LUZP1: variants seen among roughly 807,000 people sequenced by gnomAD.
The protein encoded by LUZP1 is leucine zipper protein 1.
Under a neutral mutation model 71.3 loss-of-function variants are expected in LUZP1, and 25 were observed. The observed-to-expected ratio is 0.35, with a 90% confidence interval of 0.26 to 0.49. LUZP1 has a LOEUF of 0.49. Among genes scored for constraint, LUZP1 ranks in the 20% least tolerant of loss-of-function variants. The probability of loss-of-function intolerance (pLI) is 0.99; values close to 1 mark genes in which losing one functional copy is unlikely to be tolerated. For synonymous variants in LUZP1, 481 were observed against 506.4 expected, an observed-to-expected ratio of 0.95 and a Z score of 0.67; for missense variants, 1,142 against 1,300.8, an observed-to-expected ratio of 0.88 and a Z score of 1.88.
chr1:23,103,149 C>A (rs2124622848), intron 3 of LUZP1, among the ~76,000 whole-genome samples: 1 of 150,948 alleles, frequency 6.6e-6, no homozygotes, highest in Admixed American at 6.6e-5. Context: ...GCTGACCAGG[C>A]TGGTCCCAAA....
At chr1:23,105,910 T>C (rs1643977575) in intron 3 of LUZP1, among the ~76,000 whole-genome samples, 1 of 152,154 alleles carries the variant, frequency 6.6e-6, no homozygotes, top group African/African-American at 2.4e-5. Flanking sequence ...AAATACCTAA[T>C]GTTAGCACTT....
intron 1 of LUZP1, among the ~76,000 whole-genome samples, chr1:23,176,690 G>T (rs1378671075): frequency 6.6e-6 from 1 of 152,128 alleles, no homozygotes; most frequent in Non-Finnish European, 1.5e-5. Context: ...GAGATCTCAA[G>T]ACCCTATAGA....
intron 3 of LUZP1, among the ~76,000 whole-genome samples, chr1:23,100,741 G>A (rs907313099): frequency 2.0e-5 from 3 of 152,086 alleles, no homozygotes; most frequent in Non-Finnish European, 4.4e-5. Flanking sequence ...TGAACTCCAG[G>A]CTCCTTTCAC....
chr1:23,120,176 C>T (rs532002040), intron 2 of LUZP1, among the ~76,000 whole-genome samples: 1 of 152,108 alleles, frequency 6.6e-6, no homozygotes, highest in South Asian at 2.1e-4. Context: ...CTCCAGAGCT[C>T]GAGCAATTCA....
At chr1:23,105,791 T>G (rs1643976200) in intron 3 of LUZP1, among the ~76,000 whole-genome samples, 1 of 152,128 alleles carries the variant, frequency 6.6e-6, no homozygotes, top group South Asian at 2.1e-4. Context: ...TAAAAACACC[T>G]CCTATAGATT....
chr1:23,091,599 T>C lies in LUZP1; in HGVS notation c.2663A>G (p.Glu888Gly), dbSNP rs762872026. The C allele has an allele frequency of 2.5e-6, 4 of 1,614,160 alleles. No homozygotes were observed. In the South Asian group the frequency reaches 4.4e-5, roughly 18 times the overall value. Residue 888 changes from glutamate to glycine, a missense_variant, in exon 4 of 5, where the codon GAG becomes GGG. By Grantham distance (98) the Glu-to-Gly change is moderately conservative. Coordinates refer to ENST00000302291, the Ensembl canonical transcript of LUZP1. ...CGCTGGAGGTGCATGGCTATTCCTC[T>C]CCACAGGATCCGATGGCTTGATTAT... is the stretch of plus-strand genomic sequence containing the variant.
At chr1:23,177,287 T>C (rs1644588253) in intron 1 of LUZP1, among the ~76,000 whole-genome samples, 1 of 151,796 alleles carries the variant, frequency 6.6e-6, no homozygotes. Context: ...TTACAAGGGG[T>C]TCACAGACCT....
chr1:23,117,520 G>GC (rs1491417687), intron 2 of LUZP1, among the ~76,000 whole-genome samples: 1 of 65,188 alleles, frequency 1.5e-5, no homozygotes, highest in East Asian at 4.3e-4. Context: ...GGGGGGGGGC[G>GC]GGGGGGGGGA....
intron 3 of LUZP1, among the ~76,000 whole-genome samples, chr1:23,099,392 T>G (rs1643914250): frequency 6.6e-6 from 1 of 152,202 alleles, no homozygotes; most frequent in African/African-American, 2.4e-5. Context: ...CATATCCTCA[T>G]AAATATGCTT....
chr1:23,098,937 CCAA>C (rs1643911152), intron 3 of LUZP1, among the ~76,000 whole-genome samples: 1 of 152,196 alleles, frequency 6.6e-6, no homozygotes. Context: ...CTCAAAAACA[CCAA>C]CGCTTGAAGG....
At chr1:23,091,529 G>C (rs370108816) in exon 4 of LUZP1, 6 of 1,614,186 alleles carry the variant, frequency 3.7e-6, no homozygotes, top group East Asian at 4.5e-5. Flanking sequence ...CATCTGAGAA[G>C]CCCACTTCTG....
intron 2 of LUZP1, among the ~76,000 whole-genome samples, chr1:23,146,168 C>T (rs1644341292): frequency 6.6e-6 from 1 of 152,072 alleles, no homozygotes; most frequent in Admixed American, 6.5e-5. Context: ...GTAGCTGGGA[C>T]TACAGGCACA....
At chr1:23,151,128 CCT>C (rs1306077989) in intron 2 of LUZP1, among the ~76,000 whole-genome samples, 4 of 152,044 alleles carry the variant, frequency 2.6e-5, no homozygotes, top group African/African-American at 9.7e-5. Context: ...ACTGCAATCC[CCT>C]GCCTCCCAGG....
chr1:23,163,201 C>A (rs1225620388), intron 2 of LUZP1, among the ~76,000 whole-genome samples: 1 of 146,702 alleles, frequency 6.8e-6, no homozygotes, highest in South Asian at 2.2e-4. Flanking sequence ...GATCACACCA[C>A]TTCACTCCAG....
intron 2 of LUZP1, among the ~76,000 whole-genome samples, chr1:23,141,401 G>A (rs1384630092): frequency 1.3e-5 from 2 of 152,180 alleles, no homozygotes; most frequent in African/African-American, 2.4e-5. Flanking sequence ...GAAGACAGGT[G>A]TGTCCTTGCC....
At chr1:23,091,647 G>C (rs768320885) in exon 4 of LUZP1, 5 of 1,614,130 alleles carry the variant, frequency 3.1e-6, no homozygotes, top group Non-Finnish European at 3.4e-6. Flanking sequence ...AGAGACCACT[G>C]TTTCTGGCCT....
At position 23,149,960 on chromosome 1, in the gene LUZP1, CAAAAAA is replaced by C. The variant is rs66680455; in HGVS notation, c.-226+18800_-226+18805del. 5.3e-5 allele frequency among the ~76,000 whole-genome samples: 4 copies of C among 75,766 alleles called. No homozygotes were observed. In the South Asian group the frequency reaches 2.3e-3, roughly 43 times the overall value. 49.7% of individuals were successfully genotyped at this position (75,766 alleles called of 152,430 possible). On this transcript the variant is annotated intron_variant, in intron 2 of 4. Coordinates refer to ENST00000302291, the Ensembl canonical transcript of LUZP1. ...CTGGTGACGGAGCCAGACTCCGTCTCAAAAAAAAAAAAAAAAAAAAAAAAGTTTAGA... is the reference window on the plus strand; with the variant it reads ...CTGGTGACGGAGCCAGACTCCGTCTCAAAAAAAAAAAAAAAAAAGTTTAGA...
chr1:23,151,919 T>C (rs568529476), intron 2 of LUZP1, among the ~76,000 whole-genome samples: 1 of 151,440 alleles, frequency 6.6e-6, no homozygotes, highest in Admixed American at 6.6e-5. Context: ...GGAGAATCGC[T>C]TGAACCCAGG....
chr1:23,164,387 C>T (rs1388572374), intron 2 of LUZP1, among the ~76,000 whole-genome samples: 1 of 151,522 alleles, frequency 6.6e-6, no homozygotes, highest in Non-Finnish European at 1.5e-5. Context: ...CCCAGCTACT[C>T]GGGAGGCTGA....
Sources: gnomAD v4.1 joint callset for allele counts (sites outside exome capture counted in the v4.1 genomes callset) on GRCh38, gnomAD v4.1.1 for gene constraint, MANE v1.5 for transcripts, NCBI Gene and HGNC (gene_info 2026-07-23, HGNC 2026-07-21) for gene names.